MSI2: variants seen among roughly 807,000 people sequenced by gnomAD.
The protein encoded by MSI2 is RNA-binding protein Musashi homolog 2.
A neutral mutation model predicts 45.6 loss-of-function variants in MSI2; 17 were observed. The observed-to-expected ratio is 0.37, with a 90% CI of 0.26 to 0.56. MSI2 has a LOEUF of 0.56. MSI2 is among the 20% of genes least tolerant of loss of function. MSI2 has a pLI of 0.77. For missense variants in MSI2, 293 were observed against 444.2 expected, an observed-to-expected ratio of 0.66 and a Z score of 3.06; for synonymous variants, 156 against 158.2, an observed-to-expected ratio of 0.99 and a Z score of 0.11.
chr17:57,644,498 G>A (rs1189891671), intron 10 of MSI2, among the ~76,000 whole-genome samples: 5 of 152,238 alleles, frequency 3.3e-5, no homozygotes, highest in South Asian at 2.1e-4. Context: ...TGGTCTGCCC[G>A]GGAGGTGGGA....
intron 7 of MSI2, among the ~76,000 whole-genome samples, chr17:57,575,763 G>C (rs1161492426): frequency 6.6e-6 from 1 of 151,598 alleles, no homozygotes; most frequent in Non-Finnish European, 1.5e-5. Context: ...GGCTAACACG[G>C]TGAAACCCCG....
At chr17:57,472,090 A>G (rs2085449081) in intron 6 of MSI2, among the ~76,000 whole-genome samples, 1 of 152,156 alleles carries the variant, frequency 6.6e-6, no homozygotes, top group Non-Finnish European at 1.5e-5. Context: ...GAGGCTCAGC[A>G]GGGTGTTGGA....
intron 10 of MSI2, among the ~76,000 whole-genome samples, chr17:57,636,563 C>T (rs929977143): frequency 2.6e-5 from 4 of 152,202 alleles, no homozygotes; most frequent in African/African-American, 4.8e-5. Flanking sequence ...TCTCCTGTGT[C>T]CTGCTCTTTC....
At position 57,570,592 on chromosome 17, in the gene MSI2, A is replaced by G. The variant is rs529357132; in HGVS notation, c.455-26276A>G. Reference sequence around the variant, plus strand: ...CTTCCCTGCCTGCCTTCTTGTCCCCAGTCCTTGGGATTCTGTTAATTTGGG... The same window carrying G: ...CTTCCCTGCCTGCCTTCTTGTCCCCGGTCCTTGGGATTCTGTTAATTTGGG... On this transcript the variant is annotated intron_variant, in intron 7 of 13. Transcript: ENST00000284073. 2.0e-5 allele frequency among the ~76,000 whole-genome samples: 3 copies of G among 152,294 alleles called. No individual in the cohort carries two copies. The East Asian group carries it at 5.8e-4, about 29-fold the overall frequency.
chr17:57,325,887 G>A (rs1159632372), intron 5 of MSI2, among the ~76,000 whole-genome samples: 1 of 152,142 alleles, frequency 6.6e-6, no homozygotes, highest in African/African-American at 2.4e-5. Context: ...GTCTCCTCTT[G>A]CTACTCCTGC....
intron 5 of MSI2, among the ~76,000 whole-genome samples, chr17:57,371,635 T>C (rs1297691727): frequency 6.6e-6 from 1 of 152,074 alleles, no homozygotes; most frequent in South Asian, 2.1e-4. Flanking sequence ...TTTTATGTTG[T>C]GGTTTTTATT....
At chr17:57,423,148 C>T (rs977857600) in intron 6 of MSI2, among the ~76,000 whole-genome samples, 1 of 152,116 alleles carries the variant, frequency 6.6e-6, no homozygotes, top group Non-Finnish European at 1.5e-5. Flanking sequence ...ATAGAGTGAT[C>T]TTTTGTGATG....
chr17:57,550,827 C>T (rs560683781), intron 7 of MSI2, among the ~76,000 whole-genome samples: 61 of 152,292 alleles, frequency 4.0e-4, no homozygotes, highest in Admixed American at 3.1e-3. Context: ...ACACACGTAG[C>T]CCTCTGTCTA....
intron 6 of MSI2, among the ~76,000 whole-genome samples, chr17:57,461,651 T>C (rs1464154849): frequency 1.3e-5 from 2 of 151,862 alleles, no homozygotes; most frequent in Admixed American, 6.6e-5. Flanking sequence ...TTCTCCTGCC[T>C]CAGCCTCCCG....
rs1913533418 is a variant in MSI2, at chr17:57,680,514, C to G, written c.*997C>G. 4.4e-6 allele frequency: 1 copy of G among 229,396 alleles called. No individual in the cohort carries two copies. Among genetic ancestry groups the G allele is most frequent in the Admixed American group, 5.7e-5 (1 of 17,640 alleles). The allele number at this position is 229,396 out of a possible 1,614,324, so 14.2% of individuals were successfully genotyped here. A position where few individuals can be genotyped will look rare whatever the true frequency, so the allele number is the denominator to read the frequency against. On this transcript the variant is annotated 3_prime_UTR_variant, in exon 14 of 14. Coordinates refer to ENST00000284073, the MANE Select transcript of MSI2 (RefSeq NM_138962.4). ...GATGAAGATCGCCCAGCTGCCAGGA[C>G]CACCCCAGGACAAGTTAGAGCACTG... is the stretch of plus-strand genomic sequence containing the variant.
chr17:57,379,481 C>CTT (rs78899938), intron 5 of MSI2, among the ~76,000 whole-genome samples: 20 of 134,774 alleles, frequency 1.5e-4, no homozygotes, highest in African/African-American at 4.3e-4. Context: ...TTTCTTTCTT[C>CTT]TTTTTTTTTT....
intron 6 of MSI2, among the ~76,000 whole-genome samples, chr17:57,499,181 G>A (rs956511820): frequency 2.0e-5 from 3 of 151,750 alleles, no homozygotes; most frequent in Non-Finnish European, 4.4e-5. Flanking sequence ...TTCAAGACTA[G>A]CCTGGCCAAC....
At position 57,671,195 on chromosome 17, in the gene MSI2, C is replaced by T. The variant is rs1912746412; in HGVS notation, c.791-3777C>T. ...TCACCGCAATGAGCCCCCAAACTGC[C>T]ATCCTAGAGCAGGGCTTGTCCCAAG... On this transcript the variant is annotated intron_variant, in intron 11 of 13. Coordinates refer to ENST00000284073, the MANE Select transcript of MSI2 (RefSeq NM_138962.4). 3.3e-5 allele frequency among the ~76,000 whole-genome samples: 5 copies of T among 152,312 alleles called. No individual in the cohort carries two copies. The South Asian group carries it at 8.3e-4, about 25-fold the overall frequency.
chr17:57,512,357 G>T (rs2086374204), intron 6 of MSI2, among the ~76,000 whole-genome samples: 3 of 152,144 alleles, frequency 2.0e-5, no homozygotes, highest in Admixed American at 2.0e-4. Context: ...CCCATTTGCT[G>T]AACAGAAGGA....
At chr17:57,651,886 A>G (rs1158256279) in intron 10 of MSI2, among the ~76,000 whole-genome samples, 2 of 152,214 alleles carry the variant, frequency 1.3e-5, no homozygotes, top group Non-Finnish European at 2.9e-5. Flanking sequence ...GGGGTGACAA[A>G]TGGGTGAGAA....
At chr17:57,459,942 G>A (rs1002177884) in intron 6 of MSI2, among the ~76,000 whole-genome samples, 1 of 151,830 alleles carries the variant, frequency 6.6e-6, no homozygotes, top group Non-Finnish European at 1.5e-5. Flanking sequence ...CAGCCTGGCC[G>A]ACATTGTGAA....
intron 5 of MSI2, among the ~76,000 whole-genome samples, chr17:57,363,607 C>T (rs756442498): frequency 5.9e-5 from 9 of 152,062 alleles, no homozygotes; most frequent in Non-Finnish European, 1.2e-4. Context: ...GGTGTGGTGG[C>T]GCACGCCTGT....
chr17:57,417,615 A>G (rs940563756), intron 6 of MSI2, among the ~76,000 whole-genome samples: 2 of 152,122 alleles, frequency 1.3e-5, no homozygotes, highest in African/African-American at 4.8e-5. Flanking sequence ...GGTAGATGTG[A>G]TCTTTTCAAT....
At chr17:57,674,895 CA>C in intron 11 of MSI2, 76 bp from the exon 12 acceptor site, 1 of 1,575,868 alleles carries the variant, frequency 6.3e-7, no homozygotes, top group Non-Finnish European at 8.6e-7. Flanking sequence ...GCCTCATACC[CA>C]GCTCTATTCT....
Sources: gnomAD v4.1 joint callset for allele counts (sites outside exome capture counted in the v4.1 genomes callset) on GRCh38, gnomAD v4.1.1 for gene constraint, MANE v1.5 for transcripts, NCBI Gene and HGNC (gene_info 2026-07-23, HGNC 2026-07-21) for gene names.